The following TMEM132C variants were observed in gnomAD, a reference collection of about 807,000 sequenced individuals.
TMEM132C encodes the protein protein phosphatase 1, regulatory subunit 152.
Under a neutral mutation model 61.4 loss-of-function variants are expected in TMEM132C, and 29 were observed. That is an observed-to-expected ratio of 0.47 (90% CI 0.35 to 0.64). The LOEUF (loss-of-function observed/expected upper bound fraction) is 0.64, where lower values mean the gene tolerates loss of function less well. Ranked by LOEUF, TMEM132C falls within the 30% of genes least tolerant of loss-of-function variation. The pLI is 0.00. For synonymous variants in TMEM132C, 656 were observed against 633.1 expected (o/e 1.04, Z -0.54); for missense variants, 1,408 against 1,476.9 (o/e 0.95, Z 0.76).
intron 3 of TMEM132C, among the ~76,000 whole-genome samples, chr12:128,545,665 A>T (rs1230835416): frequency 2.6e-5 from 4 of 152,172 alleles, no homozygotes; most frequent in Admixed American, 6.5e-5. Context: ...CTGGTGTGAG[A>T]TGGCATCTCA....
At chr12:128,319,544 C>T (rs77623659) in intron 1 of TMEM132C, among the ~76,000 whole-genome samples, 2 of 151,996 alleles carry the variant, frequency 1.3e-5, no homozygotes, top group Admixed American at 6.6e-5. Flanking sequence ...AATGGGCCAC[C>T]AGGCCAGGCA....
At position 128,697,416 on chromosome 12, in the gene TMEM132C, G is replaced by A. The variant is rs1429846991; in HGVS notation, c.2121+1G>A. The A allele has an allele frequency of 6.5e-7, 1 of 1,529,826 alleles. No individual in the cohort carries two copies. The highest frequency in any genetic ancestry group is 8.8e-7 in the Non-Finnish European group (1 of 1,130,462). The allele number at this position is 1,529,826 out of a possible 1,614,324, so 94.8% of individuals were successfully genotyped here. On this transcript the variant is annotated splice_donor_variant, in intron 8 of 8. Transcript: ENST00000435159. LOFTEE classifies it high-confidence loss of function. ...GGAGGTGCTGCGGACCCCCAAACAG[G>A]TAGGGGGCCAAATGCCAGAGGTTCA...
chr12:128,659,112 G>T (rs1954358607), intron 4 of TMEM132C, among the ~76,000 whole-genome samples: 1 of 152,216 alleles, frequency 6.6e-6, no homozygotes, highest in African/African-American at 2.4e-5. Flanking sequence ...TCCATAAAGG[G>T]CTAGATAGTA....
chr12:128,615,425 C>T (rs1188114490), intron 3 of TMEM132C, among the ~76,000 whole-genome samples: 2 of 152,032 alleles, frequency 1.3e-5, no homozygotes, highest in African/African-American at 2.4e-5. Context: ...CATAAGTCAC[C>T]GTAATGTAGA....
intron 1 of TMEM132C, among the ~76,000 whole-genome samples, chr12:128,374,119 G>T (rs143176467): frequency 6.6e-6 from 1 of 152,320 alleles, no homozygotes; most frequent in East Asian, 1.9e-4. Flanking sequence ...CACTGTGGAT[G>T]ATGACTGGCC....
intron 2 of TMEM132C, among the ~76,000 whole-genome samples, chr12:128,489,109 C>T (rs1386722776): frequency 2.0e-5 from 3 of 152,048 alleles, no homozygotes; most frequent in Admixed American, 1.3e-4. Context: ...GGGCAGTGGG[C>T]GGCAGGTGCC....
chr12:128,652,831 C>T (rs751529405), intron 4 of TMEM132C, among the ~76,000 whole-genome samples: 11 of 152,210 alleles, frequency 7.2e-5, no homozygotes, highest in Non-Finnish European at 1.3e-4. Context: ...CTAACTTTGT[C>T]AGTTCACCAG....
chr12:128,422,116 A>G (rs1018069662), intron 2 of TMEM132C, among the ~76,000 whole-genome samples: 3 of 152,214 alleles, frequency 2.0e-5, no homozygotes, highest in African/African-American at 4.8e-5. Flanking sequence ...TGTTCAAAAT[A>G]TATTGACAAT....
At chr12:128,287,472 C>A (rs1054444626) in intron 1 of TMEM132C, among the ~76,000 whole-genome samples, 4 of 149,988 alleles carry the variant, frequency 2.7e-5, no homozygotes, top group Non-Finnish European at 5.9e-5. Context: ...TCTCTCTCTC[C>A]CCCTCTGTCT....
chr12:128,343,842 A>G (rs1873059318), intron 1 of TMEM132C, among the ~76,000 whole-genome samples: 1 of 152,204 alleles, frequency 6.6e-6, no homozygotes, highest in Non-Finnish European at 1.5e-5. Context: ...CATATAAATG[A>G]AACCATACAA....
intron 1 of TMEM132C, among the ~76,000 whole-genome samples, chr12:128,394,377 G>C (rs1254245072): frequency 2.0e-5 from 3 of 152,164 alleles, no homozygotes. Flanking sequence ...AACTGATCCT[G>C]GGAAGCCAAC....
At chr12:128,485,388 G>C (rs184077073) in intron 2 of TMEM132C, among the ~76,000 whole-genome samples, 2 of 152,230 alleles carry the variant, frequency 1.3e-5, no homozygotes, top group Admixed American at 6.5e-5. Flanking sequence ...TGTTGGCCAG[G>C]CTGGTCTCGA....
intron 1 of TMEM132C, among the ~76,000 whole-genome samples, chr12:128,414,469 T>A (rs866696770): frequency 1.3e-5 from 2 of 152,344 alleles, no homozygotes; most frequent in Middle Eastern, 6.8e-3. Context: ...TTGAACTCTA[T>A]GAAACTGCCA....
At chr12:128,475,587 T>G (rs1181528712) in intron 2 of TMEM132C, among the ~76,000 whole-genome samples, 1 of 152,148 alleles carries the variant, frequency 6.6e-6, no homozygotes, top group Non-Finnish European at 1.5e-5. Context: ...AAATTTAGGT[T>G]TAAGTTTATA....
At chr12:128,685,295 G>A (rs1256712343) in intron 5 of TMEM132C, among the ~76,000 whole-genome samples, 2 of 152,234 alleles carry the variant, frequency 1.3e-5, no homozygotes, top group African/African-American at 4.8e-5. Flanking sequence ...CTGTCAGCAA[G>A]TCTTTGTAAC....
At chr12:128,466,913 A>G (rs1278166009) in intron 2 of TMEM132C, among the ~76,000 whole-genome samples, 1 of 152,194 alleles carries the variant, frequency 6.6e-6, no homozygotes, top group African/African-American at 2.4e-5. Flanking sequence ...TAAAGCTGCA[A>G]ATGTGCTGAG....
chr12:128,470,031 AC>A (rs1352810699), intron 2 of TMEM132C, among the ~76,000 whole-genome samples: 1 of 152,152 alleles, frequency 6.6e-6, no homozygotes, highest in Non-Finnish European at 1.5e-5. Flanking sequence ...TTCATGACTT[AC>A]AAAAGACTTC....
chr12:128,431,888 G>A (rs1342110677), intron 2 of TMEM132C, among the ~76,000 whole-genome samples: 1 of 152,122 alleles, frequency 6.6e-6, no homozygotes, highest in East Asian at 1.9e-4. Flanking sequence ...AAGCTTCAAA[G>A]AGCAGGCTAA....
chr12:128,612,554 T>C (rs1254896340), intron 3 of TMEM132C, among the ~76,000 whole-genome samples: 2 of 152,234 alleles, frequency 1.3e-5, no homozygotes, highest in Non-Finnish European at 2.9e-5. Context: ...ACACACTTTC[T>C]GGCTGCAGAG....
Sources: allele counts gnomAD v4.1 joint callset (sites outside exome capture counted in the v4.1 genomes callset), GRCh38; gene constraint gnomAD v4.1.1; transcripts MANE v1.5; gene names NCBI Gene and HGNC (gene_info 2026-07-23, HGNC 2026-07-21).